SLFN14: variants seen among roughly 807,000 people sequenced by gnomAD.
The protein encoded by SLFN14 is schlafen family member 14, also known as protein SLFN14.
A neutral mutation model predicts 58.6 loss-of-function variants in SLFN14; 47 were observed. The observed-to-expected ratio is 0.80, with a 90% confidence interval of 0.64 to 1.02. The LOEUF (loss-of-function observed/expected upper bound fraction) is 1.02. Among genes scored for constraint, SLFN14 ranks in the 50% least tolerant of loss-of-function variants. The pLI, the probability that SLFN14 is intolerant of heterozygous loss-of-function variation, is 0.00. For missense variants in SLFN14, 967 were observed against 1,078.4 expected (o/e 0.90, Z 1.45); for synonymous variants, 390 against 387.3 (o/e 1.01, Z -0.08).
At chr17:35,555,678 G>T (rs1174353379) in intron 3 of SLFN14, among the ~76,000 whole-genome samples, 5 of 152,100 alleles carry the variant, frequency 3.3e-5, no homozygotes, top group Non-Finnish European at 7.4e-5. Flanking sequence ...GAGAAAGAAT[G>T]ACCCAATAAA....
chr17:35,550,904 A>T (rs543851574), intron 5 of SLFN14, among the ~76,000 whole-genome samples: 1 of 152,342 alleles, frequency 6.6e-6, no homozygotes, highest in East Asian at 1.9e-4. Context: ...TTTAAATTCA[A>T]GTTTCACTAG....
intron 3 of SLFN14, among the ~76,000 whole-genome samples, chr17:35,555,876 C>A (rs2072647944): frequency 6.6e-6 from 1 of 152,154 alleles, no homozygotes; most frequent in Admixed American, 6.5e-5. Context: ...CTTGCCCTAG[C>A]ATCTCCTTTT....
At position 35,553,371 on chromosome 17, in the gene SLFN14, C is replaced by G; in HGVS notation, c.1263G>C (p.Glu421Asp). 6 of 1,551,640 alleles carry G rather than the reference C, an allele frequency of 3.9e-6. No homozygotes were observed. Among genetic ancestry groups the G allele is most frequent in the Non-Finnish European group, 5.2e-6 (6 of 1,146,992 alleles). Residue 421 changes from glutamate (E) to aspartate (D), a missense_variant, in exon 5 of 6, where the codon GAG becomes GAC. Coordinates refer to ENST00000674182, the MANE Select transcript of SLFN14 (RefSeq NM_001129820.2). ...GATGTATCAGGGTCTTCATTAAACC[C>G]TCCAGTTCTTTATGATCTGAGAACA... ...KKLFSDHKEL[E>D]GLMKTLIHPC... is the part of the protein sequence containing the mutation.
chr17:35,552,639 T>TATATATACACATATATATACAC (rs1555547569), intron 5 of SLFN14, 91 bp downstream of exon 5: 1 of 371,470 alleles, frequency 2.7e-6, no homozygotes, highest in East Asian at 9.9e-5. Context: ...TATATATACA[T>TATATATACACATATATATACAC]ATATATATAC....
chr17:35,558,332 A>G (rs1254918695), intron 2 of SLFN14, among the ~76,000 whole-genome samples: 1 of 152,074 alleles, frequency 6.6e-6, no homozygotes, highest in Non-Finnish European at 1.5e-5. Context: ...GTGGCACAAT[A>G]ATAGTTCTCT....
Position 35,555,836 on chromosome 17 carries a change from C to T in SLFN14, c.1061-1132G>A, listed in dbSNP as rs557286225. Among the ~76,000 whole-genome samples the T allele has an allele frequency of 2.6e-5, 4 of 152,228 alleles. No individual in the cohort carries two copies. In the South Asian group the frequency reaches 8.3e-4, roughly 32 times the overall value. On this transcript the variant is annotated intron_variant, in intron 3 of 5. Coordinates refer to ENST00000674182, the MANE Select transcript of SLFN14 (RefSeq NM_001129820.2). ...ATCAAAACTGAAAGGTAAGTGAGAA[C>T]ACCAGGGGTCCTGCTCCCCCCAGCA...
At chr17:35,552,617 TATATATACAC>T (rs1296813626) in intron 5 of SLFN14, 103 bp downstream of exon 5, 1 of 344,880 alleles carries the variant, frequency 2.9e-6, no homozygotes, top group Non-Finnish European at 4.6e-6. Context: ...TATATGTGTA[TATATATACAC>T]ATATATATAC....
rs2072684405 is a variant in SLFN14 at position 35,559,786 on chromosome 17, C to T, written c.-104G>A. On this transcript the variant is annotated 5_prime_UTR_variant, in exon 2 of 6. Coordinates refer to ENST00000674182, the MANE Select transcript of SLFN14 (RefSeq NM_001129820.2). ...TGCACTCCCCTGATATCAATTTGTT[C>T]TTGGTTGCCTTCTCACTTCCTTCAG... Among the ~76,000 whole-genome samples, 2 of 152,158 alleles carry T rather than the reference C, an allele frequency of 1.3e-5. No individual in the cohort carries two copies. The highest frequency in any genetic ancestry group is 2.9e-5 in the Non-Finnish European group (2 of 68,028).
chr17:35,556,484 C>T (rs1023023880), intron 3 of SLFN14, among the ~76,000 whole-genome samples: 3 of 152,128 alleles, frequency 2.0e-5, no homozygotes, highest in Non-Finnish European at 4.4e-5. Flanking sequence ...TGTAACTTTC[C>T]TTTAAAAGTT....
intron 3 of SLFN14, 120 bp from the exon 4 acceptor site, chr17:35,554,824 C>CA (rs2072635366): frequency 1.2e-6 from 1 of 822,524 alleles, no homozygotes; most frequent in South Asian, 3.3e-5. Context: ...GGTGCCTGAG[C>CA]AGTCGTACTT....
chr17:35,548,718 G>A lies in SLFN14; in HGVS notation c.2260C>T (p.Pro754Ser), dbSNP rs2072556421. The A allele has an allele frequency of 2.6e-6, 4 of 1,551,594 alleles. No homozygotes were observed. The highest frequency in any genetic ancestry group is 2.7e-5 in the African/African-American group (2 of 73,034). Residue 754 changes from proline to serine, a missense_variant, in exon 6 of 6, where the codon CCC becomes TCC. Coordinates refer to ENST00000674182, the MANE Select transcript of SLFN14 (RefSeq NM_001129820.2). Reference protein sequence around the residue: ...EEMKRIKENPPSNMSPDTLAL... With the variant: ...EEMKRIKENPSSNMSPDTLAL... ...AATGTGTCTGGAGACATGTTGGAGG[G>A]AGGATTTTCTTTGATCCTCTTCATT...
Position 35,548,422 on chromosome 17 carries a change from G to T in SLFN14, c.2556C>A (p.Ala852=). 1 of 1,551,666 alleles carries T rather than the reference G, an allele frequency of 6.4e-7. No homozygotes were observed. The highest frequency in any genetic ancestry group is 1.2e-5 in the South Asian group (1 of 84,058). Residue 852 remains alanine (A), a synonymous_variant, in exon 6 of 6, where the codon GCC becomes GCA. Transcript: ENST00000674182. ...CAATGTGACTTCCCCAAACACCGGT[G>T]GCCGGGCTAAACACAACCTCTGATG... ...HRPSEVVFSP[A]TGVWGSHIVL...
In SLFN14 at chr17:35,553,122, C is replaced by T; in HGVS notation, c.1512G>A (p.Gly504=). The change falls in exon 5 of 6, where the codon GGG becomes GGA. Residue 504 remains glycine, a synonymous_variant. Coordinates refer to ENST00000674182, the MANE Select transcript of SLFN14 (RefSeq NM_001129820.2). ...QKLQTVGGYT[G]KVCIIPRLIH... ...TCAGCCTTGGAATGATGCACACTTT[C>T]CCTGTGTAACCACCAACAGTTTGCA... The T allele has an allele frequency of 6.4e-7, 1 of 1,551,652 alleles. No homozygotes were observed. The highest frequency in any genetic ancestry group is 8.7e-7 in the Non-Finnish European group (1 of 1,146,986).
chr17:35,557,223 T>C lies in SLFN14; in HGVS notation c.840A>G (p.Thr280=), dbSNP rs1229638051. 3.9e-6 allele frequency: 6 copies of C among 1,551,642 alleles called. No homozygotes were observed. Among genetic ancestry groups the C allele is most frequent in the Non-Finnish European group, 4.4e-6 (5 of 1,147,014 alleles). The change falls in exon 3 of 6, where the codon ACA becomes ACG. Residue 280 remains threonine (T), a synonymous_variant. Transcript: ENST00000674182. ...EIENCIEKLP[T]FHFCCEKPKV... is the part of the protein sequence containing the mutation. ...TTGGCTTCTCACAGCAGAAGTGGAA[T>C]GTAGGCAATTTTTCTATGCAGTTTT...
chr17:35,550,547 AAAAT>A (rs1007870342), intron 5 of SLFN14, among the ~76,000 whole-genome samples: 2 of 152,228 alleles, frequency 1.3e-5, no homozygotes, highest in Non-Finnish European at 2.9e-5. Flanking sequence ...CTCCGTCTCA[AAAAT>A]AAATTAATTA....
At chr17:35,552,540 C>T (rs2072600754) in intron 5 of SLFN14, among the ~76,000 whole-genome samples, 190 bp downstream of exon 5, 1 of 151,704 alleles carries the variant, frequency 6.6e-6, no homozygotes, top group South Asian at 2.1e-4. Flanking sequence ...CTCTTTGGGT[C>T]CCCTCCCTTT....
chr17:35,550,283 C>T (rs957834805), intron 5 of SLFN14, among the ~76,000 whole-genome samples: 4 of 152,242 alleles, frequency 2.6e-5, no homozygotes, highest in African/African-American at 7.2e-5. Context: ...CAGTGGCTCA[C>T]GCCTGTAATC....
rs774077449 is a variant in SLFN14 at position 35,552,898 on chromosome 17, A to T, written c.1736T>A (p.Leu579His). The T allele has an allele frequency of 5.2e-6, 8 of 1,551,480 alleles. No individual in the cohort carries two copies. Among genetic ancestry groups the T allele is most frequent in the Non-Finnish European group, 3.5e-6 (4 of 1,146,996 alleles). ...NLLIMEQSQLLSESLQKTREL... is the reference protein window; with the variant it reads ...NLLIMEQSQLHSESLQKTREL... ...ACGTGTCTTCTGAAGACTCTCAGAA[A>T]GCAACTGGCTCTGCTCCATTATGAG... is the stretch of plus-strand genomic sequence containing the variant. Residue 579 changes from leucine (L) to histidine (H), a missense_variant, in exon 5 of 6, where the codon CTT becomes CAT. Coordinates refer to ENST00000674182, the MANE Select transcript of SLFN14 (RefSeq NM_001129820.2).
chr17:35,552,633 TATAC>T, intron 5 of SLFN14, 93 bp downstream of exon 5: 1 of 396,506 alleles, frequency 2.5e-6, no homozygotes, highest in Non-Finnish European at 3.9e-6. Context: ...TACACATATA[TATAC>T]ATATATATAT....
Sources: allele counts gnomAD v4.1 joint callset (sites outside exome capture counted in the v4.1 genomes callset), GRCh38; gene constraint gnomAD v4.1.1; transcripts MANE v1.5; gene names NCBI Gene and HGNC (gene_info 2026-07-23, HGNC 2026-07-21).